The following ERC1 variants were observed in gnomAD, a reference collection of about 807,000 sequenced individuals.
The protein encoded by ERC1 is ELKS/RAB6-interacting/CAST family member 1.
A neutral mutation model predicts 132.0 loss-of-function variants in ERC1; 56 were observed. The ratio of observed to expected loss-of-function variants is 0.42; its 90% CI spans 0.34 to 0.53. ERC1 has a LOEUF of 0.53. Among genes scored for constraint, ERC1 ranks in the 20% least tolerant of loss-of-function variants. ERC1 has a pLI of 0.03. For missense variants in ERC1, 1,202 were observed against 1,349.9 expected (o/e 0.89, Z 1.72); for synonymous variants, 478 against 476.1 (o/e 1.00, Z -0.05).
At chr12:1,061,315 G>C (rs897839901) in intron 2 of ERC1, among the ~76,000 whole-genome samples, 6 of 151,978 alleles carry the variant, frequency 3.9e-5, no homozygotes, top group Non-Finnish European at 8.8e-5. Context: ...CCAAGTTTCT[G>C]GCTGGGCGTA....
chr12:1,187,516 C>T (rs1165173109), intron 11 of ERC1, among the ~76,000 whole-genome samples: 1 of 152,036 alleles, frequency 6.6e-6, no homozygotes, highest in Non-Finnish European at 1.5e-5. Context: ...ATTCTCCCAG[C>T]TTAGCCTCCC....
chr12:1,150,801 GA>G (rs1353212558), intron 8 of ERC1, among the ~76,000 whole-genome samples: 4 of 152,044 alleles, frequency 2.6e-5, no homozygotes, highest in Non-Finnish European at 5.9e-5. Context: ...CAAAAACTAG[GA>G]AAGTCCAAGA....
chr12:1,081,373 G>A (rs998819996), intron 2 of ERC1, among the ~76,000 whole-genome samples: 2 of 152,104 alleles, frequency 1.3e-5, no homozygotes, highest in African/African-American at 4.8e-5. Context: ...TGTATAAAAA[G>A]CTTTGCATAT....
At chr12:1,309,558 T>C (rs554026545) in intron 15 of ERC1, among the ~76,000 whole-genome samples, 1 of 152,220 alleles carries the variant, frequency 6.6e-6, no homozygotes, top group East Asian at 1.9e-4. Flanking sequence ...GCATGGCCTA[T>C]TTTTTTACTC....
chr12:1,011,905 C>T (rs61918690), intron 1 of ERC1, among the ~76,000 whole-genome samples: 22,479 of 151,856 alleles, frequency 0.15, 2,074 homozygotes, highest in Non-Finnish European at 0.2. Flanking sequence ...GGAGATCACC[C>T]CACTGCACTC....
chr12:1,402,614 A>AACACACACACACACACACC (rs2091167069), intron 16 of ERC1, among the ~76,000 whole-genome samples: 1 of 144,992 alleles, frequency 6.9e-6, no homozygotes, highest in African/African-American at 2.6e-5. Flanking sequence ...TGTAACCCCC[A>AACACACACACACACACACC]ACACACACAC....
chr12:1,190,213 C>G (rs1566193289), intron 12 of ERC1, 161 bp downstream of exon 12: 1 of 769,898 alleles, frequency 1.3e-6, no homozygotes, highest in Admixed American at 1.7e-5. Context: ...GTTGTACGTT[C>G]TTTGTTGAGG....
chr12:1,425,563 G>T (rs1316277710), intron 17 of ERC1, among the ~76,000 whole-genome samples: 1 of 152,188 alleles, frequency 6.6e-6, no homozygotes, highest in Non-Finnish European at 1.5e-5. Flanking sequence ...ATTCCCCTGT[G>T]AACAAAGGTC....
At chr12:1,426,405 T>C (rs780304451) in intron 17 of ERC1, among the ~76,000 whole-genome samples, 10 of 152,296 alleles carry the variant, frequency 6.6e-5, no homozygotes, top group South Asian at 6.2e-4. Context: ...TTGCCCGGCC[T>C]TTAGAACATT....
intron 8 of ERC1, chr12:1,152,186 G>A (rs1950897723): frequency 6.7e-6 from 1 of 148,340 alleles, no homozygotes; most frequent in Non-Finnish European, 1.5e-5. Context: ...GGAGACAAGA[G>A]TGAGACTTGG....
At chr12:1,371,342 T>C (rs914386497) in intron 15 of ERC1, among the ~76,000 whole-genome samples, 5 of 152,210 alleles carry the variant, frequency 3.3e-5, no homozygotes, top group Non-Finnish European at 7.3e-5. Flanking sequence ...GGGGAACTTA[T>C]TAAGATAACA....
chr12:1,025,933 A>G (rs1396854168), intron 1 of ERC1, among the ~76,000 whole-genome samples: 1 of 150,064 alleles, frequency 6.7e-6, no homozygotes, highest in African/African-American at 2.5e-5. Flanking sequence ...AGTGGCTGGG[A>G]TTACAGGCAC....
rs546939718 is a variant in ERC1 at position 1,394,195 on chromosome 12, T to A, written c.2926-13954T>A. Among the ~76,000 whole-genome samples, 6 of 151,006 alleles carry A rather than the reference T, an allele frequency of 4.0e-5. No individual in the cohort carries two copies. The South Asian group carries it at 6.3e-4, about 16-fold the overall frequency. On this transcript the variant is annotated intron_variant, in intron 16 of 18. Transcript: ENST00000360905. ...GCGGGCAGATCACGAGGTCAGGAGATCGAGACCATCCTGGCTAACACGGTG... is the reference window on the plus strand; with the variant it reads ...GCGGGCAGATCACGAGGTCAGGAGAACGAGACCATCCTGGCTAACACGGTG...
chr12:1,457,858 C>T (rs1449411958), intron 18 of ERC1, among the ~76,000 whole-genome samples: 1 of 151,930 alleles, frequency 6.6e-6, no homozygotes, highest in Non-Finnish European at 1.5e-5. Context: ...GCACCACTGC[C>T]CTCCAGCCTG....
intron 15 of ERC1, among the ~76,000 whole-genome samples, chr12:1,297,581 A>C (rs1489002686): frequency 6.6e-6 from 1 of 150,586 alleles, no homozygotes; most frequent in African/African-American, 2.4e-5. Context: ...ATGGTGGCTC[A>C]TACTCTTGTT....
intron 1 of ERC1, among the ~76,000 whole-genome samples, chr12:996,991 T>C (rs1961062268): frequency 6.6e-6 from 1 of 152,202 alleles, no homozygotes; most frequent in African/African-American, 2.4e-5. Flanking sequence ...CGGTTATAGC[T>C]TACTGCAACC....
chr12:1,481,338 G>T (rs545249307), intron 18 of ERC1, among the ~76,000 whole-genome samples: 2 of 152,164 alleles, frequency 1.3e-5, no homozygotes, highest in African/African-American at 4.8e-5. Flanking sequence ...TCTTCACATC[G>T]CCTCTCTTTC....
chr12:1,242,984 G>A (rs957049913), intron 13 of ERC1, among the ~76,000 whole-genome samples: 1 of 151,640 alleles, frequency 6.6e-6, no homozygotes, highest in Admixed American at 6.6e-5. Flanking sequence ...TCAGGAGATC[G>A]AGACCATCCT....
intron 12 of ERC1, among the ~76,000 whole-genome samples, chr12:1,216,211 C>T (rs372117693): frequency 2.0e-5 from 3 of 151,956 alleles, no homozygotes; most frequent in Non-Finnish European, 2.9e-5. Flanking sequence ...GATATTTTAG[C>T]GATTAATAGT....
Sources: gnomAD v4.1 joint callset for allele counts (sites outside exome capture counted in the v4.1 genomes callset) on GRCh38, gnomAD v4.1.1 for gene constraint, MANE v1.5 for transcripts, NCBI Gene and HGNC (gene_info 2026-07-23, HGNC 2026-07-21) for gene names.